The following LRRC15 variants were observed in gnomAD, a reference collection of about 807,000 sequenced individuals.
LRRC15 encodes the protein leucine-rich repeat-containing protein 15.
Under a neutral mutation model 4.3 loss-of-function variants are expected in LRRC15, and 5 were observed. The observed-to-expected ratio is 1.16, with a 90% confidence interval of 0.61 to 2.44. The LOEUF (loss-of-function observed/expected upper bound fraction) is 2.44, where lower values mean the gene tolerates loss of function less well. LRRC15 is among the 30% of genes most tolerant of loss of function. The pLI is 0.01. For synonymous variants in LRRC15, 337 were observed against 323.2 expected (o/e 1.04, Z -0.46); for missense variants, 769 against 747.0 (o/e 1.03, Z -0.34).
rs879894872 is a variant in LRRC15, at chr3:194,360,591, G to A, written c.453C>T (p.Leu151=). The change falls in exon 2 of 2, where the codon CTC becomes CTT. Residue 151 remains leucine (L), a synonymous_variant. Transcript: ENST00000347624. ...GGTTGCCGTGCAACTGCAGCTCCTT[G>A]AGGTTGCTGCACTGGGAGAAGTGGG... ...QPAHFSQCSN[L]KELQLHGNHL... is the part of the protein sequence containing the mutation. 4.3e-6 allele frequency: 7 copies of A among 1,614,146 alleles called. No homozygotes were observed. Among genetic ancestry groups the A allele is most frequent in the Non-Finnish European group, 5.1e-6 (6 of 1,180,018 alleles).
chr3:194,361,675 G>A (rs1713632558), intron 1 of LRRC15, among the ~76,000 whole-genome samples: 1 of 152,226 alleles, frequency 6.6e-6, no homozygotes, highest in African/African-American at 2.4e-5. Context: ...GCCGGGAGGT[G>A]CAGCAGCGGC....
Position 194,359,596 on chromosome 3 carries a change from C to G in LRRC15, c.1448G>C (p.Ser483Thr). Residue 483 changes from serine to threonine, a missense_variant, in exon 2 of 2, where the codon AGT becomes ACT. Coordinates refer to ENST00000347624, the MANE Select transcript of LRRC15 (RefSeq NM_130830.5). ...VPSVHVPEVP[S>T]YPETPWYPDT... ...TGGGTACCATGGTGTTTCTGGGTAA[C>G]TAGGCACCTCGGGGACATGGACGCT... The G allele has an allele frequency of 2.5e-6, 4 of 1,613,732 alleles. No homozygotes were observed. The South Asian group carries it at 4.4e-5, about 18-fold the overall frequency.
Position 194,357,268 on chromosome 3 carries a change from GTGGTAGATTT to G in LRRC15, c.*2020_*2029del, listed in dbSNP as rs1713455775. On this transcript the variant is annotated 3_prime_UTR_variant, in exon 2 of 2. Coordinates refer to ENST00000347624, the MANE Select transcript of LRRC15 (RefSeq NM_130830.5). ...AGCTAATAAGAGCCGATCGGGATTG[GTGGTAGATTT>G]CCAGATCACAGGTGTCTTGTGGAGC... The G allele has an allele frequency of 6.6e-6, 1 of 151,966 alleles. No individual in the cohort carries two copies. The allele number at this position is 151,966 out of a possible 1,614,324, so 9.4% of individuals were successfully genotyped here.
Position 194,361,065 on chromosome 3 carries a change from C to T in LRRC15, c.-3-19G>A. 2.0e-6 allele frequency: 3 copies of T among 1,490,094 alleles called. No homozygotes were observed. The highest frequency in any genetic ancestry group is 2.7e-6 in the Non-Finnish European group (3 of 1,126,780). 92.3% of individuals were successfully genotyped at this position (1,490,094 alleles called of 1,614,324 possible). A position where few individuals can be genotyped will look rare whatever the true frequency, so the allele number is the denominator to read the frequency against. On this transcript the variant is annotated intron_variant, in intron 1 of 1. Transcript: ENST00000347624. ...GCATAGCCTGTGCAAGGGGAGAGAG[C>T]ACACGTTAGTCAGGGTCCTCTACCT...
At chr3:194,368,638 C>A (rs1345870944) in intron 1 of LRRC15, among the ~76,000 whole-genome samples, 1 of 152,088 alleles carries the variant, frequency 6.6e-6, no homozygotes, top group Non-Finnish European at 1.5e-5. Context: ...CCAGATAACC[C>A]CAAAGGAGAA....
chr3:194,361,529 T>C (rs1713628710), intron 1 of LRRC15, among the ~76,000 whole-genome samples: 2 of 152,322 alleles, frequency 1.3e-5, no homozygotes, highest in South Asian at 4.1e-4. Context: ...CTGTATCTTA[T>C]CCATCTCTGT....
At position 194,357,980 on chromosome 3, in the gene LRRC15, G is replaced by A. The variant is rs1175894741; in HGVS notation, c.*1318C>T. The A allele has an allele frequency of 3.9e-5, 6 of 152,264 alleles. No homozygotes were observed. Among genetic ancestry groups the A allele is most frequent in the Non-Finnish European group, 7.3e-5 (5 of 68,066 alleles). 9.4% of individuals were successfully genotyped at this position (152,264 alleles called of 1,614,324 possible). ...GGCAGGGAAGAGGGTGTGGCTGCAC[G>A]GACCTCTGCAGTCAGGATGCTTCTG... On this transcript the variant is annotated 3_prime_UTR_variant, in exon 2 of 2. Coordinates refer to ENST00000347624, the MANE Select transcript of LRRC15 (RefSeq NM_130830.5).
At position 194,360,914 on chromosome 3, in the gene LRRC15, T is replaced by C. The variant is rs1340677274; in HGVS notation, c.130A>G (p.Ile44Val). The change falls in exon 2 of 2, where the codon ATT (isoleucine) becomes GTT (valine). Residue 44 changes from isoleucine to valine, a missense_variant. Coordinates refer to ENST00000347624, the MANE Select transcript of LRRC15 (RefSeq NM_130830.5). Reference protein sequence around the residue: ...ASQVECTGARIVAVPTPLPWN... With the variant: ...ASQVECTGARVVAVPTPLPWN... ...GGCAGAGGGGTGGGCACTGCCACAA[T>C]GCGTGCCCCGGTGCACTCCACCTGG... is the stretch of plus-strand genomic sequence containing the variant. 2 of 1,601,948 alleles carry C rather than the reference T, an allele frequency of 1.2e-6. No individual in the cohort carries two copies. Among genetic ancestry groups the C allele is most frequent in the South Asian group, 2.2e-5 (2 of 89,844 alleles).
In LRRC15 at chr3:194,359,206, A is replaced by G; in HGVS notation, c.*92T>C. 8.1e-7 allele frequency: 1 copy of G among 1,229,280 alleles called. No individual in the cohort carries two copies. Among genetic ancestry groups the G allele is most frequent in the Non-Finnish European group, 1.1e-6 (1 of 884,034 alleles). The allele number at this position is 1,229,280 out of a possible 1,614,324, so 76.1% of individuals were successfully genotyped here. A position where few individuals can be genotyped will look rare whatever the true frequency, so the allele number is the denominator to read the frequency against. ...TGGGGCCAGAAAGAGCAATCACGGG[A>G]AAGCTCCATGGACCCAGGGGTGGAG... On this transcript the variant is annotated 3_prime_UTR_variant, in exon 2 of 2. Transcript: ENST00000347624.
In LRRC15 at chr3:194,359,282, G is replaced by T; in HGVS notation, c.*16C>A. The T allele has an allele frequency of 6.5e-7, 1 of 1,538,084 alleles. No homozygotes were observed. Among genetic ancestry groups the T allele is most frequent in the Non-Finnish European group, 8.8e-7 (1 of 1,140,762 alleles). ...TCCAGTCCCATCATTCCCCAGCCCTGCTCCAGCCTGCCTCTTTAACACTCA... is the reference window on the plus strand; with the variant it reads ...TCCAGTCCCATCATTCCCCAGCCCTTCTCCAGCCTGCCTCTTTAACACTCA... On this transcript the variant is annotated 3_prime_UTR_variant, in exon 2 of 2. Transcript: ENST00000347624.
rs147842966 is a variant in LRRC15 at position 194,359,740 on chromosome 3, C to T, written c.1304G>A (p.Arg435His). The T allele has an allele frequency of 1.7e-4, 282 of 1,614,116 alleles. No homozygotes were observed. In the African/African-American group the frequency reaches 2.9e-3, roughly 17 times the overall value. ...WRCDSDILPL[R>H]NWLLLNQPRL... is the part of the protein sequence containing the mutation. The stretch of plus-strand genomic sequence containing the variant: ...AGGCTGGTTGAGCAGGAGCCAGTTG[C>T]GGAGCGGAAGGATGTCTGAGTCACA... Residue 435 changes from arginine (R) to histidine (H), a missense_variant, in exon 2 of 2, where the codon CGC (arginine) becomes CAC (histidine). Coordinates refer to ENST00000347624, the MANE Select transcript of LRRC15 (RefSeq NM_130830.5).
intron 1 of LRRC15, among the ~76,000 whole-genome samples, chr3:194,362,553 A>G (rs1479650752): frequency 6.6e-6 from 1 of 152,158 alleles, no homozygotes; most frequent in Non-Finnish European, 1.5e-5. Flanking sequence ...TGCAGCAATC[A>G]CTGCCGGTCA....
At chr3:194,362,079 A>G (rs1713643570) in intron 1 of LRRC15, among the ~76,000 whole-genome samples, 1 of 152,110 alleles carries the variant, frequency 6.6e-6, no homozygotes, top group Admixed American at 6.5e-5. Flanking sequence ...AGGCAAGTTC[A>G]TGGAAATGTT....
rs901258973 is a variant in LRRC15, at chr3:194,359,346, C to T, written c.1698G>A (p.Lys566=). 6.2e-7 allele frequency: 1 copy of T among 1,613,518 alleles called. No individual in the cohort carries two copies. The highest frequency in any genetic ancestry group is 1.3e-5 in the African/African-American group (1 of 75,058). ...TCTGCATCAGGACAGCTTGGCTCCT[C>T]TTCTTGCAGCAGCAACAGCCGACGC... is the stretch of plus-strand genomic sequence containing the variant. The part of the protein sequence containing the change: ...AACVGCCCCK[K]RSQAVLMQMK... Residue 566 remains lysine, a synonymous_variant, in exon 2 of 2, where the codon AAG becomes AAA. Coordinates refer to ENST00000347624, the MANE Select transcript of LRRC15 (RefSeq NM_130830.5).
Position 194,360,175 on chromosome 3 carries a change from C to G in LRRC15, c.869G>C (p.Gly290Ala), listed in dbSNP as rs370518310. 15 of 1,613,640 alleles carry G rather than the reference C, an allele frequency of 9.3e-6. No homozygotes were observed. The Admixed American group carries it at 1.2e-4, about 13-fold the overall frequency. ...SLKELSPGIF[G>A]PMPNLRELWL... ...AAGCTCCCGCAGGTTGGGCATGGGCCCGAAGATCCCCGGAGAGAGCTCCTT... is the reference window on the plus strand; with the variant it reads ...AAGCTCCCGCAGGTTGGGCATGGGCGCGAAGATCCCCGGAGAGAGCTCCTT... Residue 290 changes from glycine to alanine, a missense_variant, in exon 2 of 2, where the codon GGG becomes GCG. By Grantham distance (60) the Gly-to-Ala change is moderately conservative. Transcript: ENST00000347624.
rs769977672 is a variant in LRRC15 at position 194,360,777 on chromosome 3, C to T, written c.267G>A (p.Leu89=). Reference sequence around the variant, plus strand: ...GGAAGGCCCCAGGCGTGATGCGCGACAGCTCATTCTTCTCAATCCTCAGGG... The same window carrying T: ...GGAAGGCCCCAGGCGTGATGCGCGATAGCTCATTCTTCTCAATCCTCAGGG... ...LIALRIEKNE[L]SRITPGAFRN... Residue 89 remains leucine (L), a synonymous_variant, in exon 2 of 2, where the codon CTG becomes CTA. Transcript: ENST00000347624. 2 of 1,614,240 alleles carry T rather than the reference C, an allele frequency of 1.2e-6. No homozygotes were observed. The highest frequency in any genetic ancestry group is 2.2e-5 in the East Asian group (1 of 44,886).
chr3:194,360,833 A>T lies in LRRC15; in HGVS notation c.211T>A (p.Ser71Thr). The T allele has an allele frequency of 1.2e-6, 2 of 1,613,786 alleles. No individual in the cohort carries two copies. The highest frequency in any genetic ancestry group is 1.7e-6 in the Non-Finnish European group (2 of 1,179,878). ...AGGGCTGAGATATTGAGGAACGGGGACTCATTGAGTTCAGTGATGTGCGTG... is the reference window on the plus strand; with the variant it reads ...AGGGCTGAGATATTGAGGAACGGGGTCTCATTGAGTTCAGTGATGTGCGTG... Reference protein sequence around the residue: ...LNTHITELNESPFLNISALIA... With the variant: ...LNTHITELNETPFLNISALIA... The change falls in exon 2 of 2, where the codon TCC (serine) becomes ACC (threonine). Residue 71 changes from serine (S) to threonine (T), a missense_variant. Coordinates refer to ENST00000347624, the MANE Select transcript of LRRC15 (RefSeq NM_130830.5).
chr3:194,364,859 A>G (rs1180067105), intron 1 of LRRC15, among the ~76,000 whole-genome samples: 7 of 152,330 alleles, frequency 4.6e-5, no homozygotes, highest in South Asian at 2.1e-4. Context: ...AGGGCTCCAC[A>G]GGGCCTCCAA....
intron 1 of LRRC15, among the ~76,000 whole-genome samples, chr3:194,368,167 C>G (rs1221593479): frequency 2.0e-5 from 3 of 152,226 alleles, no homozygotes. Flanking sequence ...GGCCATAAAT[C>G]TGAAGCAGCA....
Sources: gnomAD v4.1 joint callset for allele counts (sites outside exome capture counted in the v4.1 genomes callset) on GRCh38, gnomAD v4.1.1 for gene constraint, MANE v1.5 for transcripts, NCBI Gene and HGNC (gene_info 2026-07-23, HGNC 2026-07-21) for gene names.